Variants in CPA3 observed in about 807,000 individuals in gnomAD.
CPA3 encodes carboxypeptidase A3.
CPA3 carries 52 observed loss-of-function variants against 55.8 expected under a neutral mutation model. That is an observed-to-expected ratio of 0.93 (90% CI 0.75 to 1.17). The LOEUF (loss-of-function observed/expected upper bound fraction) is 1.17, where lower values mean the gene tolerates loss of function less well. Ranked by LOEUF, CPA3 falls within the 50% of genes most tolerant of loss-of-function variation. The pLI is 0.00. For missense variants in CPA3, 547 were observed against 509.1 expected, an observed-to-expected ratio of 1.07 and a Z score of -0.72; for synonymous variants, 179 against 171.2, an observed-to-expected ratio of 1.05 and a Z score of -0.36.
intron 3 of CPA3, among the ~76,000 whole-genome samples, chr3:148,873,316 C>T (rs1485032877): frequency 6.6e-6 from 1 of 151,054 alleles, no homozygotes; most frequent in Admixed American, 6.6e-5. Context: ...TATAAGTCAC[C>T]CTGACAGTGA....
At chr3:148,880,073 C>T (rs1714321387) in intron 6 of CPA3, among the ~76,000 whole-genome samples, 184 bp downstream of exon 6, 1 of 152,112 alleles carries the variant, frequency 6.6e-6, no homozygotes, top group Non-Finnish European at 1.5e-5. Flanking sequence ...TGACAACTTC[C>T]CTCCAAACAA....
chr3:148,881,843 T>G (rs1284172702), intron 7 of CPA3, among the ~76,000 whole-genome samples: 5 of 152,182 alleles, frequency 3.3e-5, no homozygotes, highest in African/African-American at 1.2e-4. Flanking sequence ...AAGCTAGTTA[T>G]GTGGGAAAAT....
rs370838199 is a variant in CPA3 at position 148,882,580 on chromosome 3, A to G, written c.763A>G (p.Asn255Asp). The G allele has an allele frequency of 6.2e-7, 1 of 1,613,474 alleles. No homozygotes were observed. The highest frequency in any genetic ancestry group is 1.3e-5 in the African/African-American group (1 of 74,926). ...CIGTDLNRNF[N>D]ASWNSIPNTN... The stretch of plus-strand genomic sequence containing the variant: ...CGGCACTGACCTCAACAGGAATTTT[A>G]ATGCTTCATGGAACTGTGAGTAGCA... The change falls in exon 8 of 11, where the codon AAT becomes GAT. Residue 255 changes from asparagine (N) to aspartate (D), a missense_variant. Physicochemically the swap from Asn to Asp is conservative, Grantham distance 23. Coordinates refer to ENST00000296046, the MANE Select transcript of CPA3 (RefSeq NM_001870.4).
chr3:148,871,662 T>C (rs776624469), intron 3 of CPA3, among the ~76,000 whole-genome samples: 1 of 152,230 alleles, frequency 6.6e-6, no homozygotes, highest in African/African-American at 2.4e-5. Context: ...CAAAGGAGTT[T>C]CTTGCTTTCT....
In CPA3 at chr3:148,886,133, G is replaced by T. The variant is rs61747091; in HGVS notation, c.1022G>T (p.Arg341Leu). The T allele has an allele frequency of 3.1e-6, 5 of 1,613,196 alleles. No homozygotes were observed. Among genetic ancestry groups the T allele is most frequent in the African/African-American group, 2.7e-5 (2 of 74,756 alleles). Residue 341 changes from arginine (R) to leucine (L), a missense_variant, in exon 10 of 11, where the codon CGA becomes CTA. Coordinates refer to ENST00000296046, the MANE Select transcript of CPA3 (RefSeq NM_001870.4). ...ATTGGCACTGATGTTCTATCAACTC[G>T]ATATGAAACCCGCTACATCTATGGC... Reference protein sequence around the residue: ...AKIGTDVLSTRYETRYIYGPI... With the variant: ...AKIGTDVLSTLYETRYIYGPI...
rs774430813 is a variant in CPA3 at position 148,883,709 on chromosome 3, G to T, written c.875G>T (p.Ser292Ile). The T allele has an allele frequency of 2.5e-6, 4 of 1,613,730 alleles. No individual in the cohort carries two copies. Among genetic ancestry groups the T allele is most frequent in the Non-Finnish European group, 3.4e-6 (4 of 1,179,778 alleles). ...AAAGCTGTCACTAATTTCATTAGAA[G>T]CCACCTGAATGAAATCAAGGTTTAC... ...ETKAVTNFIRSHLNEIKVYIT... is the reference protein window; with the variant it reads ...ETKAVTNFIRIHLNEIKVYIT... Residue 292 changes from serine to isoleucine, a missense_variant, in exon 9 of 11, where the codon AGC becomes ATC. By Grantham distance (142) the Ser-to-Ile change is moderately radical (BLOSUM62 -2). Transcript: ENST00000296046.
At chr3:148,895,975 G>A (rs1230264053) in intron 10 of CPA3, among the ~76,000 whole-genome samples, 1 of 152,084 alleles carries the variant, frequency 6.6e-6, no homozygotes. Context: ...AGAACCTTGA[G>A]TTAAATTTCA....
Position 148,883,711 on chromosome 3 carries a change from C to T in CPA3, c.877C>T (p.His293Tyr), listed in dbSNP as rs759764300. 7.4e-6 allele frequency: 12 copies of T among 1,613,592 alleles called. No homozygotes were observed. The highest frequency in any genetic ancestry group is 1.0e-5 in the Non-Finnish European group (12 of 1,179,670). The change falls in exon 9 of 11, where the codon CAC (histidine) becomes TAC (tyrosine). Residue 293 changes from histidine (H) to tyrosine (Y), a missense_variant. Transcript: ENST00000296046. ...AGCTGTCACTAATTTCATTAGAAGC[C>T]ACCTGAATGAAATCAAGGTTTACAT... ...TKAVTNFIRSHLNEIKVYITF... is the reference protein window; with the variant it reads ...TKAVTNFIRSYLNEIKVYITF...
chr3:148,877,355 G>A (rs1363431358), intron 3 of CPA3, among the ~76,000 whole-genome samples: 5 of 152,274 alleles, frequency 3.3e-5, no homozygotes, highest in South Asian at 2.1e-4. Flanking sequence ...ATTAGCTGGC[G>A]TAGTGGCACA....
intron 10 of CPA3, among the ~76,000 whole-genome samples, chr3:148,888,239 C>G (rs936850844): frequency 6.6e-6 from 1 of 152,136 alleles, no homozygotes; most frequent in Admixed American, 6.5e-5. Flanking sequence ...TTGAAAATGC[C>G]GGAATCAACA....
chr3:148,870,226 C>T (rs986048178), intron 3 of CPA3: 9 of 151,858 alleles, frequency 5.9e-5, no homozygotes, highest in African/African-American at 2.2e-4. Context: ...TTGAGACCCT[C>T]ATTGTCAAAA....
chr3:148,870,249 CTAGTTCATTT>C (rs1427168612), intron 3 of CPA3, among the ~76,000 whole-genome samples: 4 of 151,882 alleles, frequency 2.6e-5, no homozygotes, highest in Non-Finnish European at 5.9e-5. Context: ...CTGCTAAACA[CTAGTTCATTT>C]TTTTTTTTTG....
intron 5 of CPA3, 77 bp from the exon 6 acceptor site, chr3:148,879,711 A>G (rs1274678182): frequency 1.1e-6 from 1 of 920,952 alleles, no homozygotes. Flanking sequence ...CTTTGAGAAT[A>G]TGAATGAGTT....
intron 3 of CPA3, among the ~76,000 whole-genome samples, chr3:148,874,530 A>T (rs1238601980): frequency 2.0e-5 from 3 of 152,196 alleles, no homozygotes; most frequent in Non-Finnish European, 2.9e-5. Context: ...AATTGCTGTC[A>T]CAAGTTTATT....
chr3:148,889,319 T>C (rs1056856199), intron 10 of CPA3, among the ~76,000 whole-genome samples: 3 of 152,112 alleles, frequency 2.0e-5, no homozygotes, highest in Non-Finnish European at 4.4e-5. Flanking sequence ...TGTCCCCAGA[T>C]TTAGGAACAG....
chr3:148,870,758 A>C (rs1323449072), intron 3 of CPA3, among the ~76,000 whole-genome samples: 1 of 152,232 alleles, frequency 6.6e-6, no homozygotes, highest in African/African-American at 2.4e-5. Context: ...CATCATTAAA[A>C]TTAGACACTT....
At chr3:148,865,621 A>G in intron 2 of CPA3, 73 bp downstream of exon 2, 3 of 1,323,456 alleles carry the variant, frequency 2.3e-6, no homozygotes, top group Middle Eastern at 1.8e-4. Flanking sequence ...TTTACTGTCA[A>G]TGCCCATGGG....
chr3:148,883,787 C>A lies in CPA3; in HGVS notation c.953C>A (p.Ser318Ter). 6.2e-7 allele frequency: 1 copy of A among 1,613,980 alleles called. No homozygotes were observed. Among genetic ancestry groups the A allele is most frequent in the East Asian group, 2.2e-5 (1 of 44,862 alleles). Residue 318 changes from serine (S) to a stop codon, truncating the protein, a stop_gained, in exon 9 of 11, where the codon TCA becomes TAA. Coordinates refer to ENST00000296046, the MANE Select transcript of CPA3 (RefSeq NM_001870.4). LOFTEE classifies it high-confidence loss of function. ...CTATTGTTTCCCTATGGATATACATCAAAACTGCCACCTAACCATGAGGAC... is the reference window on the plus strand; with the variant it reads ...CTATTGTTTCCCTATGGATATACATAAAAACTGCCACCTAACCATGAGGAC... ...QMLLFPYGYT[S>*]KLPPNHEDLA...
At chr3:148,893,325 A>G (rs999037957) in intron 10 of CPA3, among the ~76,000 whole-genome samples, 1 of 152,158 alleles carries the variant, frequency 6.6e-6, no homozygotes, top group South Asian at 2.1e-4. Flanking sequence ...AGAAATAAAT[A>G]TAAGATACAA....
Sources: gnomAD v4.1 joint callset for allele counts (sites outside exome capture counted in the v4.1 genomes callset) on GRCh38, gnomAD v4.1.1 for gene constraint, MANE v1.5 for transcripts, NCBI Gene and HGNC (gene_info 2026-07-23, HGNC 2026-07-21) for gene names.